MMP14: variants seen among roughly 807,000 people sequenced by gnomAD.
MMP14 encodes matrix metalloproteinase-14.
In MMP14, 13 loss-of-function variants were observed where a neutral mutation model predicts 64.8. That is an observed-to-expected ratio of 0.20 (90% CI 0.13 to 0.32). The LOEUF is 0.32. Among genes scored for constraint, MMP14 ranks in the 10% least tolerant of loss-of-function variants. The probability of loss-of-function intolerance (pLI) is 1.00; values close to 1 mark genes in which losing one functional copy is unlikely to be tolerated. For synonymous variants in MMP14, 322 were observed against 315.9 expected, an observed-to-expected ratio of 1.02 and a Z score of -0.20; for missense variants, 594 against 783.8, an observed-to-expected ratio of 0.76 and a Z score of 2.89.
At chr14:22,837,352 C>T (rs1271199973) in intron 1 of MMP14, 2 of 457,228 alleles carry the variant, frequency 4.4e-6, no homozygotes, top group Admixed American at 4.7e-5. Context: ...CCCAGCTCTC[C>T]AGCGCTCTCC....
intron 1 of MMP14, among the ~76,000 whole-genome samples, chr14:22,841,169 A>G (rs890763137): frequency 6.6e-5 from 10 of 152,218 alleles, no homozygotes; most frequent in African/African-American, 2.2e-4. Context: ...TGGGGGAGAA[A>G]AGTGCTAGAA....
At chr14:22,839,500 T>A (rs1248865681) in intron 1 of MMP14, among the ~76,000 whole-genome samples, 1 of 152,190 alleles carries the variant, frequency 6.6e-6, no homozygotes, top group African/African-American at 2.4e-5. Context: ...TCTCAGAGCC[T>A]CAGAGCTAGG....
At chr14:22,840,194 TG>T (rs1417247172) in intron 1 of MMP14, among the ~76,000 whole-genome samples, 1 of 152,090 alleles carries the variant, frequency 6.6e-6, no homozygotes, top group African/African-American at 2.4e-5. Flanking sequence ...CTCGAACTCC[TG>T]ACCTCAGGTG....
rs577360103 is a variant in MMP14, at chr14:22,845,102, G to A, written c.1302-149G>A. On this transcript the variant is annotated intron_variant, in intron 8 of 9. Coordinates refer to ENST00000311852, the MANE Select transcript of MMP14 (RefSeq NM_004995.4). ...CTCCCTTCCACCCCCACCTTCCGCCGCTTTCAGCAGCAGGTCCTCATTACT... is the reference window on the plus strand; with the variant it reads ...CTCCCTTCCACCCCCACCTTCCGCCACTTTCAGCAGCAGGTCCTCATTACT... 1.4e-4 allele frequency: 84 copies of A among 586,010 alleles called. 1 individual carries two copies. Among genetic ancestry groups the A allele is most frequent in the Admixed American group, 7.0e-4 (25 of 35,952 alleles). 36.3% of individuals were successfully genotyped at this position (586,010 alleles called of 1,614,324 possible).
chr14:22,839,644 G>A (rs1428749308), intron 1 of MMP14, among the ~76,000 whole-genome samples: 1 of 152,154 alleles, frequency 6.6e-6, no homozygotes, highest in Non-Finnish European at 1.5e-5. Context: ...GCCCCTGTGG[G>A]CTCAGGTCCC....
In MMP14 at chr14:22,844,422, A is replaced by G. The variant is rs748209240; in HGVS notation, c.1063A>G (p.Met355Val). The G allele has an allele frequency of 2.5e-5, 40 of 1,614,008 alleles. 1 individual carries two copies. In the South Asian group the frequency reaches 4.0e-4, roughly 16 times the overall value. The change falls in exon 7 of 10, where the codon ATG becomes GTG. Residue 355 changes from methionine (M) to valine (V), a missense_variant. Around this residue, in one of 4 missense-constraint regions of MMP14, gnomAD observed 364 missense variants for 425.2 expected, o/e 0.86. Coordinates refer to ENST00000311852, the MANE Select transcript of MMP14 (RefSeq NM_004995.4). Reference protein sequence around the residue: ...RNNQVMDGYPMPIGQFWRGLP... With the variant: ...RNNQVMDGYPVPIGQFWRGLP... The stretch of plus-strand genomic sequence containing the variant: ...TAACCAAGTGATGGATGGATACCCA[A>G]TGCCCATTGGCCAGTTCTGGCGGGG...
At chr14:22,841,706 C>G (rs945840561) in intron 2 of MMP14, 67 bp downstream of exon 2, 4 of 1,598,290 alleles carry the variant, frequency 2.5e-6, no homozygotes, top group Middle Eastern at 1.7e-4. Flanking sequence ...CAGAGATGTT[C>G]CTACCTGAAT....
intron 1 of MMP14, chr14:22,837,146 G>C (rs1019664501): frequency 1.5e-6 from 1 of 682,698 alleles, no homozygotes; most frequent in African/African-American, 1.8e-5. Context: ...CCCCTGCGCC[G>C]CCGACTCTCC....
intron 1 of MMP14, among the ~76,000 whole-genome samples, chr14:22,839,554 G>A (rs559685593): frequency 6.6e-6 from 1 of 152,316 alleles, no homozygotes. Context: ...CTGGGAAAAG[G>A]CTGGGTTGTT....
intron 1 of MMP14, among the ~76,000 whole-genome samples, chr14:22,838,619 G>A (rs1230239522): frequency 1.3e-5 from 2 of 152,188 alleles, no homozygotes; most frequent in Admixed American, 1.3e-4. Flanking sequence ...ACCCAACATA[G>A]TTGCTTTTTT....
chr14:22,844,010 A>G, intron 6 of MMP14, 140 bp downstream of exon 6: 1 of 1,085,932 alleles, frequency 9.2e-7, no homozygotes, highest in Non-Finnish European at 1.3e-6. Context: ...AGGCTGGCCA[A>G]CATAGTGAAA....
Position 22,842,502 on chromosome 14 carries a change from G to T in MMP14, c.473G>T (p.Arg158Leu). The change falls in exon 4 of 10, where the codon CGC becomes CTC. Residue 158 changes from arginine to leucine, a missense_variant. Around this residue, in one of 4 missense-constraint regions of MMP14, gnomAD observed 179 missense variants for 283.4 expected, o/e 0.63. Coordinates refer to ENST00000311852, the MANE Select transcript of MMP14 (RefSeq NM_004995.4). This position sits in a 1 kb window ranked among gnomAD's most constrained non-coding sequence, Gnocchi z 5.3. The part of the protein sequence containing the change: ...FRVWESATPL[R>L]FREVPYAYIR... The stretch of plus-strand genomic sequence containing the variant: ...GTGTGGGAGAGTGCCACACCACTGC[G>T]CTTCCGCGAGGTGCCCTATGCCTAC... The T allele has an allele frequency of 1.2e-6, 2 of 1,614,064 alleles. No individual in the cohort carries two copies. Among genetic ancestry groups the T allele is most frequent in the Non-Finnish European group, 1.7e-6 (2 of 1,179,978 alleles).
At chr14:22,841,368 C>A in intron 1 of MMP14, 123 bp from the exon 2 acceptor site, 1 of 1,296,234 alleles carries the variant, frequency 7.7e-7, no homozygotes, top group Non-Finnish European at 1.1e-6. Context: ...CTGCCGGAGC[C>A]AAGCTGGGAA....
In MMP14 at chr14:22,843,310, G is replaced by A. The variant is rs143061668; in HGVS notation, c.742G>A (p.Glu248Lys). 17 of 1,613,934 alleles carry A rather than the reference G, an allele frequency of 1.1e-5. No homozygotes were observed. The highest frequency in any genetic ancestry group is 6.7e-5 in the Admixed American group (4 of 60,000). ...VHELGHALGL[E>K]HSSDPSAIMA... ...CGAGCTGGGCCATGCCCTGGGGCTCGAGCATTCCAGTGACCCCTCGGCCAT... is the reference window on the plus strand; with the variant it reads ...CGAGCTGGGCCATGCCCTGGGGCTCAAGCATTCCAGTGACCCCTCGGCCAT... The change falls in exon 5 of 10, where the codon GAG (glutamate) becomes AAG (lysine). Residue 248 changes from glutamate to lysine, a missense_variant. Around this residue, in one of 4 missense-constraint regions of MMP14, gnomAD observed 6 missense variants for 26.3 expected, o/e 0.23. Transcript: ENST00000311852. This position sits in a 1 kb window ranked among gnomAD's most constrained non-coding sequence, Gnocchi z 4.8.
At position 22,845,996 on chromosome 14, in the gene MMP14, G is replaced by A; in HGVS notation, c.1706G>A (p.Arg569Lys). ...VFFFRRHGTP[R>K]RLLYCQRSLL... Reference sequence around the variant, plus strand: ...TTCTTCAGACGCCATGGGACCCCCAGGCGACTGCTCTACTGCCAGCGTTCC... The same window carrying A: ...TTCTTCAGACGCCATGGGACCCCCAAGCGACTGCTCTACTGCCAGCGTTCC... The change falls in exon 10 of 10, where the codon AGG (arginine) becomes AAG (lysine). Residue 569 changes from arginine (R) to lysine (K), a missense_variant. Coordinates refer to ENST00000311852, the MANE Select transcript of MMP14 (RefSeq NM_004995.4). The A allele has an allele frequency of 6.5e-7, 1 of 1,538,738 alleles. No individual in the cohort carries two copies. The highest frequency in any genetic ancestry group is 1.2e-5 in the South Asian group (1 of 81,732).
In MMP14 at chr14:22,842,095, C is replaced by CTTA. The variant is rs2039776979; in HGVS notation, c.380+62_380+64dup. 4 of 1,603,022 alleles carry CTTA rather than the reference C, an allele frequency of 2.5e-6. No homozygotes were observed. The highest frequency in any genetic ancestry group is 1.7e-5 in the Admixed American group (1 of 59,722). ...TGGTTATTATTTCCTACCCATTGTG[C>CTTA]TTATGCAGGGACTCAGAGACCCCCT... On this transcript the variant is annotated intron_variant, in intron 3 of 9. Coordinates refer to ENST00000311852, the MANE Select transcript of MMP14 (RefSeq NM_004995.4). This position sits in a 1 kb window ranked among gnomAD's most constrained non-coding sequence, Gnocchi z 5.3.
rs1209440183 is a variant in MMP14 at position 22,845,730 on chromosome 14, G to A, written c.1440G>A (p.Gly480=). 23 of 1,614,018 alleles carry A rather than the reference G, an allele frequency of 1.4e-5. No homozygotes were observed. The highest frequency in any genetic ancestry group is 1.9e-5 in the Non-Finnish European group (23 of 1,180,030). Residue 480 remains glycine (G), a synonymous_variant, in exon 10 of 10, where the codon GGG becomes GGA. Coordinates refer to ENST00000311852, the MANE Select transcript of MMP14 (RefSeq NM_004995.4). ...CAGTCTTCACTTACTTCTACAAGGG[G>A]AACAAATACTGGAAATTCAACAACC... is the stretch of plus-strand genomic sequence containing the variant. The part of the protein sequence containing the change: ...SDEVFTYFYK[G]NKYWKFNNQK...
In MMP14 at chr14:22,846,148, G is replaced by T. The variant is rs1023917249; in HGVS notation, c.*109G>T. On this transcript the variant is annotated 3_prime_UTR_variant, in exon 10 of 10. Coordinates refer to ENST00000311852, the MANE Select transcript of MMP14 (RefSeq NM_004995.4). ...TCCCATCGTCCCGAGCCCCCTCCCC[G>T]CAGCCTCCTTGCTTCTCTCTGTCCC... 4.6e-6 allele frequency: 5 copies of T among 1,083,486 alleles called. No individual in the cohort carries two copies. The Middle Eastern group carries it at 9.2e-4, about 199-fold the overall frequency. 67.1% of individuals were successfully genotyped at this position (1,083,486 alleles called of 1,614,324 possible).
At chr14:22,838,150 G>A (rs1376518734) in intron 1 of MMP14, among the ~76,000 whole-genome samples, 1 of 152,196 alleles carries the variant, frequency 6.6e-6, no homozygotes, top group Non-Finnish European at 1.5e-5. Context: ...AGAGACCAGG[G>A]AGAGTAAAAA....
Sources: gnomAD v4.1 joint callset for allele counts (sites outside exome capture counted in the v4.1 genomes callset) on GRCh38, gnomAD v4.1.1 for gene constraint, gnomAD v4.1.1 regional missense constraint, Gnocchi (gnomAD v3.1) non-coding constraint, MANE v1.5 for transcripts, NCBI Gene and HGNC (gene_info 2026-07-23, HGNC 2026-07-21) for gene names.